Variants in CDH9 observed in about 807,000 individuals in gnomAD.
CDH9 encodes cadherin 9.
CDH9 carries 28 observed loss-of-function variants against 70.9 expected under a neutral mutation model. The observed-to-expected ratio is 0.40, with a 90% CI of 0.29 to 0.54. The LOEUF (loss-of-function observed/expected upper bound fraction) is 0.54, where lower values mean the gene tolerates loss of function less well. Among genes scored for constraint, CDH9 ranks in the 20% least tolerant of loss-of-function variants. The pLI is 0.59. For synonymous variants in CDH9, 409 were observed against 343.1 expected (o/e 1.19, Z -2.12); for missense variants, 874 against 984.4 (o/e 0.89, Z 1.50).
chr5:26,882,389 G>A (rs1451082589), intron 11 of CDH9, among the ~76,000 whole-genome samples: 1 of 151,918 alleles, frequency 6.6e-6, no homozygotes, highest in Non-Finnish European at 1.5e-5. Context: ...TCTATTTGCT[G>A]TATTATTTTT....
intron 1 of CDH9, among the ~76,000 whole-genome samples, chr5:27,028,701 G>T (rs1025848699): frequency 1.3e-5 from 2 of 151,760 alleles, no homozygotes; most frequent in Non-Finnish European, 2.9e-5. Context: ...ACATTTTTAG[G>T]TACTGGTTTA....
chr5:26,934,338 C>T (rs1011859027), intron 2 of CDH9, among the ~76,000 whole-genome samples: 15 of 152,090 alleles, frequency 9.9e-5, no homozygotes, highest in Middle Eastern at 3.4e-3. Context: ...TTGTGGTATG[C>T]CCTGTAGTCC....
At chr5:27,006,546 T>C (rs1051085750) in intron 1 of CDH9, among the ~76,000 whole-genome samples, 1 of 152,086 alleles carries the variant, frequency 6.6e-6, no homozygotes, top group East Asian at 1.9e-4. Flanking sequence ...CTCTCTGGAG[T>C]AATATCTGCT....
chr5:26,920,623 G>T (rs1675506165), intron 2 of CDH9, among the ~76,000 whole-genome samples: 1 of 152,068 alleles, frequency 6.6e-6, no homozygotes, highest in Non-Finnish European at 1.5e-5. Context: ...TACCCCAGCT[G>T]CAGGCAGCTC....
chr5:26,890,666 A>C lies in CDH9; in HGVS notation c.1254-102T>G. ...ATTTCCACAATGATCTGACAAAGAC[A>C]TGAAATGCAAAATGCTAACAACTTT... On this transcript the variant is annotated intron_variant, in intron 7 of 11. Transcript: ENST00000231021. 3 of 786,300 alleles carry C rather than the reference A, an allele frequency of 3.8e-6. No homozygotes were observed. In the South Asian group the frequency reaches 5.1e-5, roughly 13 times the overall value. The allele number at this position is 786,300 out of a possible 1,614,324, so 48.7% of individuals were successfully genotyped here.
intron 9 of CDH9, among the ~76,000 whole-genome samples, chr5:26,888,965 G>C (rs1740609506): frequency 6.6e-6 from 1 of 152,032 alleles, no homozygotes; most frequent in African/African-American, 2.4e-5. Flanking sequence ...TTACTTCTTT[G>C]AAACACCATC....
chr5:27,005,119 A>C (rs1742838528), intron 1 of CDH9, among the ~76,000 whole-genome samples: 1 of 152,286 alleles, frequency 6.6e-6, no homozygotes, highest in African/African-American at 2.4e-5. Context: ...AAAAAGAGAA[A>C]TTATAATAAA....
chr5:27,030,708 A>G (rs1268425291), intron 1 of CDH9, among the ~76,000 whole-genome samples: 2 of 151,894 alleles, frequency 1.3e-5, no homozygotes, highest in African/African-American at 4.8e-5. Flanking sequence ...ACTTTATTTT[A>G]GCCATCAAAT....
At chr5:26,906,196 C>A in intron 4 of CDH9, 70 bp from the exon 5 acceptor site, 5 of 1,322,616 alleles carry the variant, frequency 3.8e-6, no homozygotes, top group Non-Finnish European at 5.3e-6. Context: ...AGACAAGACT[C>A]ATTTTACAAA....
At chr5:27,010,281 A>C (rs1340986155) in intron 1 of CDH9, among the ~76,000 whole-genome samples, 3 of 152,028 alleles carry the variant, frequency 2.0e-5, no homozygotes, top group African/African-American at 7.2e-5. Flanking sequence ...TGCTGTTATT[A>C]GTTTACTTTA....
At chr5:26,987,923 T>C (rs1272042460) in intron 2 of CDH9, among the ~76,000 whole-genome samples, 183 bp downstream of exon 2, 2 of 152,108 alleles carry the variant, frequency 1.3e-5, no homozygotes, top group Non-Finnish European at 2.9e-5. Context: ...TTGACATTGA[T>C]TTACATTTAG....
chr5:26,896,257 T>G (rs1157217292), intron 7 of CDH9, among the ~76,000 whole-genome samples: 2 of 151,936 alleles, frequency 1.3e-5, no homozygotes, highest in African/African-American at 4.8e-5. Flanking sequence ...ACTATCAGTC[T>G]TTGAATGAGA....
intron 1 of CDH9, among the ~76,000 whole-genome samples, chr5:27,006,461 A>G (rs1343484258): frequency 6.6e-6 from 1 of 152,104 alleles, no homozygotes; most frequent in East Asian, 1.9e-4. Flanking sequence ...TCTATGCAGC[A>G]CCACTAAGAG....
intron 2 of CDH9, among the ~76,000 whole-genome samples, chr5:26,946,098 A>G (rs1227676609): frequency 1.3e-5 from 2 of 152,158 alleles, no homozygotes; most frequent in African/African-American, 4.8e-5. Flanking sequence ...ATGTTACATA[A>G]GCTACATAAT....
intron 2 of CDH9, among the ~76,000 whole-genome samples, chr5:26,960,548 A>T (rs1742016768): frequency 6.6e-6 from 1 of 152,042 alleles, no homozygotes; most frequent in Non-Finnish European, 1.5e-5. Context: ...ATGATTTTAG[A>T]TTAAAGAAGA....
chr5:26,891,503 C>A (rs970778701), intron 7 of CDH9, among the ~76,000 whole-genome samples: 1 of 152,008 alleles, frequency 6.6e-6, no homozygotes, highest in South Asian at 2.1e-4. Flanking sequence ...CATGGTGAAA[C>A]CCCGTCTCTA....
intron 1 of CDH9, among the ~76,000 whole-genome samples, chr5:26,997,465 C>A (rs1026598162): frequency 1.3e-5 from 2 of 151,884 alleles, no homozygotes; most frequent in African/African-American, 4.8e-5. Flanking sequence ...ACTAATGCAG[C>A]TTTAGAATAA....
chr5:27,031,517 A>T (rs1163211319), intron 1 of CDH9, among the ~76,000 whole-genome samples: 1 of 151,878 alleles, frequency 6.6e-6, no homozygotes, highest in Non-Finnish European at 1.5e-5. Flanking sequence ...TCACATATTT[A>T]CTCTGCAATA....
intron 2 of CDH9, among the ~76,000 whole-genome samples, chr5:26,968,205 C>T (rs991055208): frequency 6.6e-6 from 1 of 152,082 alleles, no homozygotes; most frequent in African/African-American, 2.4e-5. Flanking sequence ...AAAGTATATA[C>T]AGAAATAAAT....
Sources: allele counts gnomAD v4.1 joint callset (sites outside exome capture counted in the v4.1 genomes callset), GRCh38; gene constraint gnomAD v4.1.1; transcripts MANE v1.5; gene names NCBI Gene and HGNC (gene_info 2026-07-23, HGNC 2026-07-21).